The following CNBD1 variants were observed in gnomAD, a reference collection of about 807,000 sequenced individuals.
CNBD1 encodes cyclic nucleotide-binding domain-containing protein 1.
In CNBD1, 71 loss-of-function variants were observed where a neutral mutation model predicts 54.4. The observed-to-expected ratio is 1.30, with a 90% CI of 1.08 to 1.59. The LOEUF (loss-of-function observed/expected upper bound fraction) is 1.59. Among genes scored for constraint, CNBD1 ranks in the 40% most tolerant of loss-of-function variants. The pLI, the probability that CNBD1 is intolerant of heterozygous loss-of-function variation, is 0.00. For synonymous variants in CNBD1, 182 were observed against 170.7 expected (o/e 1.07, Z -0.51); for missense variants, 659 against 518.0 (o/e 1.27, Z -2.64).
intron 4 of CNBD1, among the ~76,000 whole-genome samples, chr8:87,202,982 CA>C: frequency 6.6e-6 from 1 of 152,218 alleles, no homozygotes; most frequent in East Asian, 1.9e-4. Context: ...TGAAAAATCA[CA>C]AAAAATTTTT....
intron 10 of CNBD1, among the ~76,000 whole-genome samples, chr8:87,358,415 C>T (rs1029687024): frequency 1.3e-5 from 2 of 152,092 alleles, no homozygotes; most frequent in South Asian, 4.1e-4. Context: ...ATTAAAATGA[C>T]AATATTCTCA....
downstream of CNBD1, among the ~76,000 whole-genome samples, chr8:87,387,433 A>G (rs1290701470): frequency 6.6e-6 from 1 of 152,044 alleles, no homozygotes; most frequent in Non-Finnish European, 1.5e-5. Flanking sequence ...AATGGAAAAC[A>G]AAAAAAGGCA....
intron 1 of CNBD1, among the ~76,000 whole-genome samples, chr8:86,887,310 T>TA (rs1029162283): frequency 3.3e-5 from 5 of 151,150 alleles, no homozygotes; most frequent in African/African-American, 4.9e-5. Flanking sequence ...TTACTGGAAA[T>TA]AAAAAAAAAT....
rs536931386 is a variant in CNBD1, at chr8:86,868,224, C to T, written c.88+1641C>T. 1.1e-4 allele frequency among the ~76,000 whole-genome samples: 17 copies of T among 152,270 alleles called. No homozygotes were observed. In the South Asian group the frequency reaches 3.5e-3, roughly 32 times the overall value. On this transcript the variant is annotated intron_variant, in intron 1 of 10. Transcript: ENST00000518476. The stretch of plus-strand genomic sequence containing the variant: ...GGGCATAAATAGGAATGCACATTTA[C>T]ATACCTAAAAAGAAAATCCAGCCAT...
intron 4 of CNBD1, among the ~76,000 whole-genome samples, chr8:87,118,372 G>A (rs1027437254): frequency 4.0e-5 from 6 of 151,270 alleles, no homozygotes; most frequent in African/African-American, 1.5e-4. Context: ...GAATACCGCT[G>A]GTATTGTAGG....
rs1491444638 is a variant in CNBD1 at position 87,256,016 on chromosome 8, T to TATATATATATATA, written c.771+18904_771+18905insATATATATATATA. Among the ~76,000 whole-genome samples, 25 of 12,126 alleles carry TATATATATATATA rather than the reference T, an allele frequency of 2.1e-3. 1 individual carries two copies. The highest frequency in any genetic ancestry group is 7.7e-3 in the South Asian group (1 of 130). 8.0% of individuals were successfully genotyped at this position (12,126 alleles called of 152,430 possible). A position where few individuals can be genotyped will look rare whatever the true frequency, so the allele number is the denominator to read the frequency against. ...ATATATATATATATATATATATATATTTTTTTTTTTTTTTTTTTTTTTTTG... is the reference window on the plus strand; with the variant it reads ...ATATATATATATATATATATATATATATATATATATATATTTTTTTTTTTTTTTTTTTTTTTTG... On this transcript the variant is annotated intron_variant, in intron 6 of 10. Transcript: ENST00000518476.
chr8:87,400,021 G>C (rs529798613), intron 2 of CNBD1, among the ~76,000 whole-genome samples: 1 of 151,946 alleles, frequency 6.6e-6, no homozygotes, highest in Non-Finnish European at 1.5e-5. Flanking sequence ...AATACATGTT[G>C]TCTAATTCAC....
chr8:87,406,286 G>C (rs1032343853), intron 2 of CNBD1, among the ~76,000 whole-genome samples: 2 of 151,646 alleles, frequency 1.3e-5, no homozygotes, highest in Non-Finnish European at 2.9e-5. Context: ...GGTAAGTATT[G>C]GTTGACAAAA....
At position 87,316,774 on chromosome 8, in the gene CNBD1, A is replaced by C. The variant is rs544268821; in HGVS notation, c.1042+30103A>C. Among the ~76,000 whole-genome samples the C allele has an allele frequency of 3.9e-5, 6 of 152,054 alleles. No homozygotes were observed. In the South Asian group the frequency reaches 1.2e-3, roughly 32 times the overall value. ...TTTCCAATACATACTGAAAAATCAA[A>C]AAGTGCCAGAATGTGTGTAGAGATT... is the stretch of plus-strand genomic sequence containing the variant. On this transcript the variant is annotated intron_variant, in intron 8 of 10. Transcript: ENST00000518476.
chr8:87,032,852 C>A (rs189252889), intron 4 of CNBD1, among the ~76,000 whole-genome samples: 13 of 152,168 alleles, frequency 8.5e-5, no homozygotes, highest in Admixed American at 3.3e-4. Flanking sequence ...TCTTTTACAT[C>A]TTCCTCATTG....
At chr8:87,403,715 A>G (rs1373601373) in intron 2 of CNBD1, among the ~76,000 whole-genome samples, 3 of 152,024 alleles carry the variant, frequency 2.0e-5, no homozygotes, top group East Asian at 3.9e-4. Context: ...TACTACTACT[A>G]CCGAGAACTA....
intron 1 of CNBD1, among the ~76,000 whole-genome samples, chr8:86,877,231 C>T (rs7818287): frequency 0.013 from 1,970 of 152,050 alleles, 34 homozygotes; most frequent in Middle Eastern, 0.041. Context: ...TTCTCCTCTG[C>T]TGAAACTTCA....
At chr8:86,931,509 T>C (rs933482493) in intron 3 of CNBD1, among the ~76,000 whole-genome samples, 1 of 152,114 alleles carries the variant, frequency 6.6e-6, no homozygotes, top group Non-Finnish European at 1.5e-5. Context: ...CAAGCCACAC[T>C]GATAACAAGC....
intron 8 of CNBD1, among the ~76,000 whole-genome samples, chr8:87,328,668 T>G (rs10107283): frequency 0.38 from 57,834 of 151,902 alleles, 11,294 homozygotes; most frequent in Middle Eastern, 0.46. Flanking sequence ...AATACAAATT[T>G]CATCAAATCT....
At chr8:87,261,345 G>T (rs1488408978) in intron 6 of CNBD1, among the ~76,000 whole-genome samples, 1 of 152,036 alleles carries the variant, frequency 6.6e-6, no homozygotes, top group Non-Finnish European at 1.5e-5. Context: ...CCTGGGGGTT[G>T]CTAGAAGCTT....
intron 3 of CNBD1, 132 bp from the exon 4 acceptor site, chr8:86,939,464 A>C: frequency 1.9e-6 from 1 of 525,316 alleles, no homozygotes; most frequent in Non-Finnish European, 3.4e-6. Context: ...AATGCATTTA[A>C]AAAGAATATG....
At chr8:87,112,252 C>T (rs911242255) in intron 4 of CNBD1, among the ~76,000 whole-genome samples, 1 of 152,178 alleles carries the variant, frequency 6.6e-6, no homozygotes, top group South Asian at 2.1e-4. Context: ...CTCTAAGCAT[C>T]ATTGCCAGGG....
chr8:87,147,583 A>G (rs1812516039), intron 4 of CNBD1, among the ~76,000 whole-genome samples: 1 of 152,132 alleles, frequency 6.6e-6, no homozygotes, highest in Non-Finnish European at 1.5e-5. Context: ...CCTTCTTGAA[A>G]TAATGCTCAG....
chr8:87,210,868 A>C (rs1050907470), intron 5 of CNBD1, among the ~76,000 whole-genome samples: 3 of 152,154 alleles, frequency 2.0e-5, no homozygotes, highest in African/African-American at 7.2e-5. Context: ...GTCCTCACTA[A>C]GGCACTACCT....
Sources: allele counts gnomAD v4.1 joint callset (sites outside exome capture counted in the v4.1 genomes callset), GRCh38; gene constraint gnomAD v4.1.1; transcripts MANE v1.5; gene names NCBI Gene and HGNC (gene_info 2026-07-23, HGNC 2026-07-21).